The following SNX13 variants were observed in gnomAD, a reference collection of about 807,000 sequenced individuals.
The protein encoded by SNX13 is sorting nexin 13.
A neutral mutation model predicts 133.6 loss-of-function variants in SNX13; 45 were observed. The observed-to-expected ratio is 0.34, with a 90% CI of 0.27 to 0.43. The LOEUF is 0.43. Ranked by LOEUF, SNX13 falls within the 20% of genes least tolerant of loss-of-function variation. The pLI is 1.00. For synonymous variants in SNX13, 414 were observed against 373.9 expected, an observed-to-expected ratio of 1.11 and a Z score of -1.24; for missense variants, 1,032 against 1,145.1, an observed-to-expected ratio of 0.90 and a Z score of 1.43.
chr7:17,853,575 T>C (rs10229298), intron 9 of SNX13, among the ~76,000 whole-genome samples: 3,440 of 152,282 alleles, frequency 0.023, 135 homozygotes, highest in African/African-American at 0.077. Flanking sequence ...TCTACATCAA[T>C]GAAATATCCT....
At chr7:17,835,698 T>C (rs185822137) in intron 13 of SNX13, among the ~76,000 whole-genome samples, 2 of 151,934 alleles carry the variant, frequency 1.3e-5, no homozygotes, top group Admixed American at 1.3e-4. Context: ...ACTTCTCTAA[T>C]TTATCCAATA....
At chr7:17,927,350 C>G (rs956180524) in intron 1 of SNX13, among the ~76,000 whole-genome samples, 1 of 151,936 alleles carries the variant, frequency 6.6e-6, no homozygotes, top group Non-Finnish European at 1.5e-5. Context: ...TCCAGCAATC[C>G]TCCCGCCTCA....
At chr7:17,816,476 A>T (rs557582050) in intron 18 of SNX13, among the ~76,000 whole-genome samples, 187 bp from the exon 19 acceptor site, 44 of 152,324 alleles carry the variant, frequency 2.9e-4, no homozygotes, top group Middle Eastern at 6.8e-3. Flanking sequence ...AGCCTGACCA[A>T]CATAGAGAGA....
At chr7:17,832,455 CTCTT>C (rs1471495730) in intron 15 of SNX13, 1 of 984,444 alleles carries the variant, frequency 1.0e-6, no homozygotes, top group Non-Finnish European at 1.2e-6. Flanking sequence ...TTTGTCTTCT[CTCTT>C]TCTGAGTCAC....
At chr7:17,886,152 C>G (rs372124290) in intron 5 of SNX13, among the ~76,000 whole-genome samples, 5 of 152,010 alleles carry the variant, frequency 3.3e-5, no homozygotes, top group African/African-American at 9.7e-5. Context: ...GAACACATTC[C>G]CTATCATTCC....
chr7:17,812,376 A>G (rs989518247), intron 20 of SNX13, among the ~76,000 whole-genome samples: 7 of 152,230 alleles, frequency 4.6e-5, no homozygotes, highest in African/African-American at 1.7e-4. Flanking sequence ...ACATTTATGC[A>G]GCCAACAAAC....
chr7:17,869,156 T>C (rs985377433), intron 8 of SNX13, among the ~76,000 whole-genome samples: 2 of 152,126 alleles, frequency 1.3e-5, no homozygotes. Flanking sequence ...AACAGAAATA[T>C]GCTTGAAATA....
At chr7:17,886,291 G>T (rs1795976177) in intron 5 of SNX13, among the ~76,000 whole-genome samples, 1 of 151,908 alleles carries the variant, frequency 6.6e-6, no homozygotes, top group Non-Finnish European at 1.5e-5. Flanking sequence ...CTTTCGCTGG[G>T]GGGCACAGTG....
At chr7:17,870,707 A>G (rs1261283327) in intron 8 of SNX13, among the ~76,000 whole-genome samples, 1 of 152,228 alleles carries the variant, frequency 6.6e-6, no homozygotes, top group Non-Finnish European at 1.5e-5. Flanking sequence ...CTATGTGCCA[A>G]GTATCACGTT....
chr7:17,896,969 C>G (rs1797279125), intron 2 of SNX13, among the ~76,000 whole-genome samples: 1 of 152,034 alleles, frequency 6.6e-6, no homozygotes, highest in Non-Finnish European at 1.5e-5. Flanking sequence ...TAATGTAAAA[C>G]TTCATGTGCA....
chr7:17,865,433 A>C (rs1440439823), intron 9 of SNX13, among the ~76,000 whole-genome samples: 2 of 152,174 alleles, frequency 1.3e-5, no homozygotes, highest in Non-Finnish European at 2.9e-5. Flanking sequence ...AGGAAGTAAA[A>C]GATGTCTACA....
At chr7:17,849,241 T>G (rs908930434) in intron 11 of SNX13, among the ~76,000 whole-genome samples, 6 of 152,190 alleles carry the variant, frequency 3.9e-5, no homozygotes, top group Non-Finnish European at 7.3e-5. Flanking sequence ...GCACCACTAT[T>G]TATACAGTTG....
chr7:17,921,453 TC>T (rs1800120568), intron 1 of SNX13, among the ~76,000 whole-genome samples: 1 of 152,110 alleles, frequency 6.6e-6, no homozygotes, highest in African/African-American at 2.4e-5. Flanking sequence ...AACAAACACT[TC>T]CATATCCCCG....
In SNX13 at chr7:17,850,677, TTAAC is replaced by T. The variant is rs1439785026; in HGVS notation, c.976+145_976+148del. ...ACATTCTGAAAATAATGCTTTTACT[TTAAC>T]TAAGCACATGTTAACCTAATAAGGA... On this transcript the variant is annotated intron_variant, in intron 10 of 25. Transcript: ENST00000428135. 6.4e-5 allele frequency: 44 copies of T among 685,196 alleles called. 1 individual carries two copies. Among genetic ancestry groups the T allele is most frequent in the Admixed American group, 1.5e-4 (4 of 26,754 alleles). The allele number at this position is 685,196 out of a possible 1,614,324, so 42.4% of individuals were successfully genotyped here.
At chr7:17,838,405 T>C (rs1352474226) in intron 13 of SNX13, among the ~76,000 whole-genome samples, 2 of 151,952 alleles carry the variant, frequency 1.3e-5, no homozygotes, top group South Asian at 2.1e-4. Flanking sequence ...GGTTTGACAA[T>C]ATTGTTGATA....
rs574766549 is a variant in SNX13, at chr7:17,890,407, T to C, written c.396A>G (p.Glu132=). ...GTGCGTTTTGAAGAGTCTGCCTAATTTCAAGAAGAAAAGATTCATCATCGC... is the reference window on the plus strand; with the variant it reads ...GTGCGTTTTGAAGAGTCTGCCTAATCTCAAGAAGAAAAGATTCATCATCGC... ...TLSDDESFLL[E]IRQTLQNALI... is the part of the protein sequence containing the mutation. The change falls in exon 5 of 26, where the codon GAA becomes GAG. Residue 132 remains glutamate, a synonymous_variant. Transcript: ENST00000428135. The C allele has an allele frequency of 6.2e-7, 1 of 1,611,324 alleles. No homozygotes were observed. The highest frequency in any genetic ancestry group is 1.1e-5 in the South Asian group (1 of 90,800).
At chr7:17,868,218 T>A in intron 9 of SNX13, 189 bp downstream of exon 9, 1 of 529,588 alleles carries the variant, frequency 1.9e-6, no homozygotes. Context: ...ACAAAATTCT[T>A]AAAGAGAATT....
intron 1 of SNX13, among the ~76,000 whole-genome samples, chr7:17,911,644 A>G (rs1188776576): frequency 6.6e-6 from 1 of 152,080 alleles, no homozygotes; most frequent in Non-Finnish European, 1.5e-5. Context: ...TCTCAAAAAA[A>G]AAAAAAAAAA....
At chr7:17,929,777 T>C (rs986027664) in intron 1 of SNX13, among the ~76,000 whole-genome samples, 3 of 152,186 alleles carry the variant, frequency 2.0e-5, no homozygotes, top group Non-Finnish European at 1.5e-5. Context: ...TAGCCAAAAA[T>C]TGTGGTTATG....
Sources: gnomAD v4.1 joint callset for allele counts (sites outside exome capture counted in the v4.1 genomes callset) on GRCh38, gnomAD v4.1.1 for gene constraint, MANE v1.5 for transcripts, NCBI Gene and HGNC (gene_info 2026-07-23, HGNC 2026-07-21) for gene names.